Variants in DYDC2 observed in about 807,000 individuals in gnomAD.
The protein encoded by DYDC2 is DPY30 domain-containing protein 2.
In DYDC2, 19 loss-of-function variants were observed where a neutral mutation model predicts 18.7. The observed-to-expected ratio is 1.02, with a 90% confidence interval of 0.71 to 1.49. The LOEUF is 1.49. Among genes scored for constraint, DYDC2 ranks in the 40% most tolerant of loss-of-function variants. The pLI is 0.00. For synonymous variants in DYDC2, 63 were observed against 67.6 expected (o/e 0.93, Z 0.34); for missense variants, 179 against 205.1 (o/e 0.87, Z 0.78).
intron 1 of DYDC2, among the ~76,000 whole-genome samples, chr10:80,349,719 T>C (rs1361933118): frequency 2.0e-5 from 3 of 152,342 alleles, no homozygotes; most frequent in Admixed American, 6.5e-5. Context: ...AACAGTCAGA[T>C]TGATCAAAAC....
chr10:80,347,118 C>T (rs776543868), intron 1 of DYDC2, among the ~76,000 whole-genome samples: 3 of 151,550 alleles, frequency 2.0e-5, no homozygotes, highest in Admixed American at 6.6e-5. Flanking sequence ...CTAATAGGGG[C>T]GAGGTGGTAT....
chr10:80,357,867 A>C (rs1242083747), intron 1 of DYDC2, 26 bp from the exon 2 acceptor site: 6 of 985,336 alleles, frequency 6.1e-6, no homozygotes, highest in Non-Finnish European at 7.2e-6. Flanking sequence ...AACTCTCTCA[A>C]TGAATAAGTC....
intron 1 of DYDC2, among the ~76,000 whole-genome samples, chr10:80,350,950 C>T (rs919633216): frequency 6.6e-6 from 1 of 152,198 alleles, no homozygotes; most frequent in African/African-American, 2.4e-5. Flanking sequence ...TCTGCCTGCT[C>T]CACTTCTTCA....
upstream of DYDC2, chr10:80,352,002 TCTAG>T: frequency 5.6e-6 from 9 of 1,613,756 alleles, no homozygotes; most frequent in Non-Finnish European, 6.8e-6. Flanking sequence ...TCCTTTTGTC[TCTAG>T]CATTGTTTAA....
upstream of DYDC2, chr10:80,351,785 T>C: frequency 2.2e-6 from 2 of 889,286 alleles, no homozygotes. Flanking sequence ...GATGAAGATA[T>C]TAGGAAGCCA....
chr10:80,366,862 T>C lies in DYDC2; in HGVS notation c.445T>C (p.Phe149Leu). 6.2e-7 allele frequency: 1 copy of C among 1,614,132 alleles called. No individual in the cohort carries two copies. The highest frequency in any genetic ancestry group is 8.5e-7 in the Non-Finnish European group (1 of 1,180,012). ...SESAGQIDQN[F>L]KMPQEINYKE... ...GTCTGCTGGCCAGATTGACCAGAAC[T>C]TCAAAATGCCACAAGAAATAAATTA... The change falls in exon 5 of 5, where the codon TTC becomes CTC. Residue 149 changes from phenylalanine to leucine, a missense_variant. Coordinates refer to ENST00000256039, the MANE Select transcript of DYDC2 (RefSeq NM_032372.6).
Position 80,357,881 on chromosome 10 carries a change from A to G in DYDC2, c.-162-12A>G. 1 of 985,454 alleles carries G rather than the reference A, an allele frequency of 1.0e-6. No homozygotes were observed. The highest frequency in any genetic ancestry group is 1.2e-6 in the Non-Finnish European group (1 of 829,956). The allele number at this position is 985,454 out of a possible 1,614,324, so 61.0% of individuals were successfully genotyped here. ...GAACTCTCTCAATGAATAAGTCAAG[A>G]AATATTTACAGAGCTCCCAGTGTGC... On this transcript the variant is annotated splice_polypyrimidine_tract_variant and intron_variant, in intron 1 of 4. Coordinates refer to ENST00000256039, the MANE Select transcript of DYDC2 (RefSeq NM_032372.6).
intron 1 of DYDC2, among the ~76,000 whole-genome samples, chr10:80,347,192 T>C (rs1278070973): frequency 6.6e-6 from 1 of 152,030 alleles, no homozygotes; most frequent in Admixed American, 6.5e-5. Context: ...CTTGTCACTT[T>C]TGATAATATA....
intron 1 of DYDC2, 135 bp downstream of exon 1, chr10:80,356,960 G>A (rs1287112500): frequency 6.3e-6 from 4 of 639,470 alleles, no homozygotes; most frequent in South Asian, 1.4e-4. Context: ...TGGAGGGGGC[G>A]TGCAGGAGTA....
intron 2 of DYDC2, among the ~76,000 whole-genome samples, chr10:80,359,497 G>A (rs985528218): frequency 3.0e-4 from 45 of 152,320 alleles, no homozygotes; most frequent in Non-Finnish European, 4.4e-4. Flanking sequence ...TAGTGTGCCC[G>A]CACTCCTCAG....
intron 1 of DYDC2, among the ~76,000 whole-genome samples, chr10:80,348,201 A>G (rs1330908880): frequency 6.6e-6 from 1 of 152,138 alleles, no homozygotes; most frequent in Non-Finnish European, 1.5e-5. Context: ...TACGTATATT[A>G]TTCTTTTTGA....
At chr10:80,362,719 A>G (rs970118662) in intron 3 of DYDC2, 129 bp downstream of exon 3, 2 of 1,435,600 alleles carry the variant, frequency 1.4e-6, no homozygotes. Context: ...TCTTAGAGCC[A>G]GATATCCCTG....
intron 2 of DYDC2, among the ~76,000 whole-genome samples, chr10:80,358,882 C>A (rs1843564066): frequency 6.6e-6 from 1 of 152,148 alleles, no homozygotes; most frequent in Non-Finnish European, 1.5e-5. Flanking sequence ...CGGATGTGTT[C>A]AGAGTTTCTT....
intron 1 of DYDC2, among the ~76,000 whole-genome samples, chr10:80,350,423 G>A (rs1012884600): frequency 6.6e-6 from 1 of 152,190 alleles, no homozygotes; most frequent in Non-Finnish European, 1.5e-5. Context: ...GCTGTAAGAG[G>A]AAGGATGGCT....
chr10:80,361,544 A>C (rs1030684243), intron 2 of DYDC2, among the ~76,000 whole-genome samples: 1 of 152,226 alleles, frequency 6.6e-6, no homozygotes, highest in African/African-American at 2.4e-5. Context: ...TGATTCAGTT[A>C]TACTATGGTG....
chr10:80,367,530 G>T lies in DYDC2; in HGVS notation c.*579G>T, dbSNP rs1220144230. On this transcript the variant is annotated 3_prime_UTR_variant, in exon 5 of 5. Coordinates refer to ENST00000256039, the MANE Select transcript of DYDC2 (RefSeq NM_032372.6). ...AGATAATGGGAGTGCTAGAAGCAAG[G>T]AGCCAGCAAGTCTGGACACATTACA... 1 of 152,390 alleles carries T rather than the reference G, an allele frequency of 6.6e-6. No homozygotes were observed. The highest frequency in any genetic ancestry group is 6.5e-5 in the Admixed American group (1 of 15,278). The allele number at this position is 152,390 out of a possible 1,614,324, so 9.4% of individuals were successfully genotyped here.
chr10:80,350,225 C>T (rs979238168), intron 1 of DYDC2, among the ~76,000 whole-genome samples: 8 of 152,180 alleles, frequency 5.3e-5, no homozygotes, highest in Admixed American at 3.9e-4. Flanking sequence ...TTAGTTCATA[C>T]CGGTCAACAT....
intron 2 of DYDC2, among the ~76,000 whole-genome samples, chr10:80,358,765 T>A (rs1383545471): frequency 1.3e-5 from 2 of 152,210 alleles, no homozygotes; most frequent in Non-Finnish European, 2.9e-5. Context: ...TGTCCAGAAT[T>A]GGTGGGTTCT....
At chr10:80,353,300 C>T (rs952323375), upstream of DYDC2, among the ~76,000 whole-genome samples, 1 of 151,840 alleles carries the variant, frequency 6.6e-6, no homozygotes, top group Admixed American at 6.6e-5. Context: ...ACACCCTGGG[C>T]TCTAATTCCA....
Sources: allele counts gnomAD v4.1 joint callset (sites outside exome capture counted in the v4.1 genomes callset), GRCh38; gene constraint gnomAD v4.1.1; transcripts MANE v1.5; gene names NCBI Gene and HGNC (gene_info 2026-07-23, HGNC 2026-07-21).